ABCC4: variants seen among roughly 807,000 people sequenced by gnomAD.
ABCC4 encodes the protein ATP-binding cassette sub-family C member 4.
ABCC4 carries 102 observed loss-of-function variants against 168.5 expected under a neutral mutation model. That is an observed-to-expected ratio of 0.61 (90% CI 0.52 to 0.71). The LOEUF is 0.71. Among genes scored for constraint, ABCC4 ranks in the 30% least tolerant of loss-of-function variants. The pLI is 0.00. For synonymous variants in ABCC4, 617 were observed against 590.7 expected, an observed-to-expected ratio of 1.04 and a Z score of -0.65; for missense variants, 1,402 against 1,605.8, an observed-to-expected ratio of 0.87 and a Z score of 2.17.
At chr13:95,235,551 G>C (rs980547186) in intron 3 of ABCC4, among the ~76,000 whole-genome samples, 1 of 152,178 alleles carries the variant, frequency 6.6e-6, no homozygotes. Context: ...GCTCGTCTAT[G>C]GGAGGCCAGC....
At chr13:95,113,143 G>A (rs2139404939) in intron 20 of ABCC4, among the ~76,000 whole-genome samples, 1 of 152,226 alleles carries the variant, frequency 6.6e-6, no homozygotes, top group Non-Finnish European at 1.5e-5. Context: ...ATGTATCACA[G>A]AACTGAGTCA....
chr13:95,086,779 T>C (rs989145538), intron 20 of ABCC4, among the ~76,000 whole-genome samples: 1 of 152,216 alleles, frequency 6.6e-6, no homozygotes, highest in Non-Finnish European at 1.5e-5. Flanking sequence ...TCTCCCTCTC[T>C]CTGTCAACCT....
intron 19 of ABCC4, among the ~76,000 whole-genome samples, chr13:95,149,896 C>T (rs2036617388): frequency 6.6e-6 from 1 of 152,154 alleles, no homozygotes; most frequent in African/African-American, 2.4e-5. Context: ...AAACTTCCAC[C>T]TGAAGTTCAG....
chr13:95,280,960 AGGG>A (rs1257607000), intron 1 of ABCC4, among the ~76,000 whole-genome samples: 1 of 152,102 alleles, frequency 6.6e-6, no homozygotes, highest in Admixed American at 6.6e-5. Flanking sequence ...TATATTTTAA[AGGG>A]GGAGAAGGAA....
intron 19 of ABCC4, among the ~76,000 whole-genome samples, chr13:95,157,088 CCACACACACACACACACACACACA>C (rs67671921): frequency 2.2e-5 from 3 of 134,708 alleles, no homozygotes; most frequent in Non-Finnish European, 4.7e-5. Context: ...TGAGACTCTA[CCACACACACACACACACACACACA>C]CACACACACA....
rs71111586 is a variant in ABCC4, at chr13:95,047,476, C to CTTTTTTTTTTTT, written c.3457-3050_3457-3039dup. Among the ~76,000 whole-genome samples, 266 of 83,340 alleles carry CTTTTTTTTTTTT rather than the reference C, an allele frequency of 3.2e-3. 10 individuals are homozygous for CTTTTTTTTTTTT. The highest frequency in any genetic ancestry group is 3.5e-3 in the Non-Finnish European group (167 of 47,194). The allele number at this position is 83,340 out of a possible 152,430, so 54.7% of individuals were successfully genotyped here. Reference sequence around the variant, plus strand: ...CCTGGACAATGAAATACTGCCTATTCTTTTTTTTTTTTTTTTTTTTTGAGG... The same window carrying CTTTTTTTTTTTT: ...CCTGGACAATGAAATACTGCCTATTCTTTTTTTTTTTTTTTTTTTTTTTTTTTTTTTTTGAGG... On this transcript the variant is annotated intron_variant, in intron 27 of 30. Coordinates refer to ENST00000645237, the MANE Select transcript of ABCC4 (RefSeq NM_005845.5).
chr13:95,042,814 A>T (rs1375423121), intron 29 of ABCC4, among the ~76,000 whole-genome samples: 3 of 152,194 alleles, frequency 2.0e-5, no homozygotes. Context: ...TTCTAAGTTG[A>T]CAGCACTTCC....
intron 25 of ABCC4, among the ~76,000 whole-genome samples, chr13:95,064,247 T>G (rs1305121325): frequency 1.3e-4 from 1 of 7,832 alleles, no homozygotes; most frequent in Non-Finnish European, 2.3e-4. Context: ...TACATCCGGG[T>G]GTGTGTGTGT....
At chr13:95,068,588 A>G (rs1277446755) in intron 25 of ABCC4, among the ~76,000 whole-genome samples, 1 of 152,202 alleles carries the variant, frequency 6.6e-6, no homozygotes, top group Non-Finnish European at 1.5e-5. Context: ...ACTGCACTCC[A>G]GCCTAGATGA....
chr13:95,263,042 G>A (rs754952790), intron 1 of ABCC4, among the ~76,000 whole-genome samples: 3 of 152,024 alleles, frequency 2.0e-5, no homozygotes, highest in Non-Finnish European at 2.9e-5. Context: ...GGGTGACTTC[G>A]CTGTCTAAAG....
At chr13:95,143,816 C>T (rs1338981054) in intron 19 of ABCC4, among the ~76,000 whole-genome samples, 1 of 152,182 alleles carries the variant, frequency 6.6e-6, no homozygotes, top group African/African-American at 2.4e-5. Context: ...CCCATGATAA[C>T]AGGCAAAAGT....
chr13:95,176,400 C>A (rs1451264230), intron 13 of ABCC4, among the ~76,000 whole-genome samples: 1 of 152,122 alleles, frequency 6.6e-6, no homozygotes, highest in South Asian at 2.1e-4. Context: ...GAGGCTGAGG[C>A]AGGAGAATCT....
In ABCC4 at chr13:95,268,159, C is replaced by G. The variant is rs535866064; in HGVS notation, c.75-20406G>C. ...GTTAATCTGTAACCCTACCCCCAAC[C>G]CTGTGCTCGCAGAGACATGTGCTGT... On this transcript the variant is annotated intron_variant, in intron 1 of 30. Coordinates refer to ENST00000645237, the MANE Select transcript of ABCC4 (RefSeq NM_005845.5). 6.6e-5 allele frequency among the ~76,000 whole-genome samples: 10 copies of G among 152,262 alleles called. No individual in the cohort carries two copies. In the South Asian group the frequency reaches 2.1e-3, roughly 32 times the overall value.
In ABCC4 at chr13:95,044,418, A is replaced by C. The variant is rs1346976654; in HGVS notation, c.3477T>G (p.Ile1159Met). Reference sequence around the variant, plus strand: ...TATCCATTTTACCAGGAAGATCTTCAATGGTTTCTTTAAGTTGTACCTGTA... The same window carrying C: ...TATCCATTTTACCAGGAAGATCTTCCATGGTTTCTTTAAGTTGTACCTGTA... ...ALQEVQLKET[I>M]EDLPGKMDTE... Residue 1159 changes from isoleucine (I) to methionine (M), a missense_variant, in exon 28 of 31, where the codon ATT becomes ATG. Transcript: ENST00000645237. 6.2e-6 allele frequency: 10 copies of C among 1,611,958 alleles called. No individual in the cohort carries two copies. Among genetic ancestry groups the C allele is most frequent in the Middle Eastern group, 1.7e-4 (1 of 6,050 alleles).
chr13:95,205,237 A>G (rs1190474391), intron 8 of ABCC4, among the ~76,000 whole-genome samples: 1 of 152,180 alleles, frequency 6.6e-6, no homozygotes, highest in Admixed American at 6.5e-5. Context: ...AATAGCCACT[A>G]TGCTCCAGCC....
chr13:95,145,899 A>G (rs1010256879), intron 19 of ABCC4, among the ~76,000 whole-genome samples: 1 of 152,194 alleles, frequency 6.6e-6, no homozygotes, highest in Non-Finnish European at 1.5e-5. Context: ...CTAAACATTT[A>G]GTACATGTGG....
intron 8 of ABCC4, among the ~76,000 whole-genome samples, chr13:95,197,446 G>C (rs1240394913): frequency 6.6e-6 from 1 of 152,172 alleles, no homozygotes; most frequent in Non-Finnish European, 1.5e-5. Flanking sequence ...TTGAGCACTG[G>C]TCAATAAACA....
chr13:95,197,117 TC>T (rs1487999928), intron 8 of ABCC4, among the ~76,000 whole-genome samples: 1 of 152,026 alleles, frequency 6.6e-6, no homozygotes, highest in African/African-American at 2.4e-5. Context: ...CAGAGATGTG[TC>T]CCCCATCCTG....
chr13:95,033,120 C>A (rs1234357597), intron 30 of ABCC4, among the ~76,000 whole-genome samples: 6 of 151,922 alleles, frequency 3.9e-5, no homozygotes, highest in African/African-American at 1.5e-4. Flanking sequence ...CAGGCAATCG[C>A]CACTTCACCC....
Sources: allele counts gnomAD v4.1 joint callset (sites outside exome capture counted in the v4.1 genomes callset), GRCh38; gene constraint gnomAD v4.1.1; transcripts MANE v1.5; gene names NCBI Gene and HGNC (gene_info 2026-07-23, HGNC 2026-07-21).